The following GRM8 variants were observed in gnomAD, a reference collection of about 807,000 sequenced individuals.
GRM8 encodes metabotropic glutamate receptor 8.
In GRM8, 47 loss-of-function variants were observed where a neutral mutation model predicts 87.2. The observed-to-expected ratio is 0.54, with a 90% confidence interval of 0.43 to 0.69. The LOEUF (loss-of-function observed/expected upper bound fraction) is 0.69. GRM8 is among the 30% of genes least tolerant of loss of function. GRM8 has a pLI of 0.00. For missense variants in GRM8, 1,019 were observed against 1,139.2 expected, an observed-to-expected ratio of 0.89 and a Z score of 1.52; for synonymous variants, 396 against 404.5, an observed-to-expected ratio of 0.98 and a Z score of 0.25.
At chr7:126,439,338 T>C (rs1216262769) in intron 10 of GRM8, among the ~76,000 whole-genome samples, 170 bp from the exon 11 acceptor site, 1 of 152,096 alleles carries the variant, frequency 6.6e-6, no homozygotes, top group Non-Finnish European at 1.5e-5. Context: ...CAACGACATT[T>C]GAGCTCGACA....
chr7:126,615,459 G>A (rs1799376031), intron 7 of GRM8, among the ~76,000 whole-genome samples: 1 of 152,186 alleles, frequency 6.6e-6, no homozygotes, highest in African/African-American at 2.4e-5. Context: ...GGAAGAAACA[G>A]CATCAACTAT....
intron 7 of GRM8, among the ~76,000 whole-genome samples, chr7:126,678,099 CTATG>C (rs1807176946): frequency 6.6e-6 from 1 of 152,144 alleles, no homozygotes; most frequent in Non-Finnish European, 1.5e-5. Flanking sequence ...TCAATTTTCT[CTATG>C]TGTGCTCAAT....
At chr7:126,716,676 C>T (rs1009749464) in intron 7 of GRM8, among the ~76,000 whole-genome samples, 4 of 152,188 alleles carry the variant, frequency 2.6e-5, no homozygotes, top group Non-Finnish European at 4.4e-5. Context: ...TGCCCAGAAA[C>T]TTCAAGAGCC....
intron 6 of GRM8, among the ~76,000 whole-genome samples, chr7:126,824,667 C>T (rs1169847889): frequency 6.6e-6 from 1 of 152,214 alleles, no homozygotes; most frequent in Non-Finnish European, 1.5e-5. Flanking sequence ...TGGCACCCAT[C>T]CCAAAAGTAT....
At chr7:126,729,601 C>T (rs1420465533) in intron 7 of GRM8, among the ~76,000 whole-genome samples, 2 of 152,134 alleles carry the variant, frequency 1.3e-5, no homozygotes, top group Non-Finnish European at 2.9e-5. Flanking sequence ...AGTTCCAAAA[C>T]ATTAATTGTG....
At chr7:126,820,802 A>G (rs975441098) in intron 6 of GRM8, among the ~76,000 whole-genome samples, 17 of 152,158 alleles carry the variant, frequency 1.1e-4, no homozygotes, top group Non-Finnish European at 2.4e-4. Context: ...CTGCTTCACA[A>G]AGAAATTAAA....
chr7:126,444,235 A>C (rs1801760369), intron 10 of GRM8, among the ~76,000 whole-genome samples: 2 of 152,172 alleles, frequency 1.3e-5, no homozygotes, highest in Middle Eastern at 3.4e-3. Context: ...GTAGGAAAAA[A>C]GGTAAAATTC....
chr7:126,549,663 A>G (rs1190704143), intron 8 of GRM8, among the ~76,000 whole-genome samples: 1 of 152,236 alleles, frequency 6.6e-6, no homozygotes, highest in Non-Finnish European at 1.5e-5. Context: ...AATTAATAAT[A>G]TGACAAGGTT....
intron 3 of GRM8, among the ~76,000 whole-genome samples, chr7:127,063,789 C>G (rs1265365787): frequency 6.6e-6 from 1 of 152,198 alleles, no homozygotes; most frequent in Non-Finnish European, 1.5e-5. Context: ...CCTCTTAAAA[C>G]TACCTTAGCT....
At chr7:127,244,648 C>A (rs1039175135) in intron 1 of GRM8, among the ~76,000 whole-genome samples, 1 of 152,116 alleles carries the variant, frequency 6.6e-6, no homozygotes, top group Non-Finnish European at 1.5e-5. Context: ...TTCTCCTGTA[C>A]CCTAGCCAAC....
At chr7:126,762,753 TC>T (rs537483707) in intron 7 of GRM8, among the ~76,000 whole-genome samples, 3 of 151,906 alleles carry the variant, frequency 2.0e-5, no homozygotes, top group Non-Finnish European at 4.4e-5. Context: ...TTTGTTTTTT[TC>T]AATGAATTAC....
chr7:126,446,016 C>T, intron 10 of GRM8, 110 bp downstream of exon 10: 2 of 1,268,388 alleles, frequency 1.6e-6, no homozygotes, highest in Admixed American at 1.7e-5. Context: ...TACCATCATG[C>T]CCCTGGAAAC....
chr7:126,927,419 G>A (rs1041200347), intron 3 of GRM8, among the ~76,000 whole-genome samples: 8 of 152,100 alleles, frequency 5.3e-5, no homozygotes, highest in African/African-American at 1.9e-4. Context: ...TTATAGGTGT[G>A]AGCCACCATG....
At chr7:126,634,108 AT>A (rs1465842924) in intron 7 of GRM8, among the ~76,000 whole-genome samples, 2 of 152,162 alleles carry the variant, frequency 1.3e-5, no homozygotes, top group Non-Finnish European at 2.9e-5. Flanking sequence ...GGAGGTTATT[AT>A]TCATGATCAT....
intron 2 of GRM8, among the ~76,000 whole-genome samples, chr7:127,107,416 G>T (rs17866779): frequency 0.011 from 1,692 of 152,150 alleles, 27 homozygotes; most frequent in African/African-American, 0.038. Flanking sequence ...GGGGTGAATT[G>T]CCAGAAATTC....
In GRM8 at chr7:127,078,040, T is replaced by C. The variant is rs927319341; in HGVS notation, c.727+28456A>G. On this transcript the variant is annotated intron_variant, in intron 3 of 10. Transcript: ENST00000339582. Reference sequence around the variant, plus strand: ...TTATCTGGCCTCAAATGTCACAGAGTTGAGAAGGCTGTAGGTTGGGAAACC... The same window carrying C: ...TTATCTGGCCTCAAATGTCACAGAGCTGAGAAGGCTGTAGGTTGGGAAACC... Among the ~76,000 whole-genome samples the C allele has an allele frequency of 5.9e-5, 9 of 152,296 alleles. 1 individual carries two copies. Among genetic ancestry groups the C allele is most frequent in the African/African-American group, 1.7e-4 (7 of 41,570 alleles).
intron 3 of GRM8, among the ~76,000 whole-genome samples, chr7:126,970,211 G>A (rs529282573): frequency 9.2e-5 from 14 of 152,284 alleles, no homozygotes; most frequent in African/African-American, 2.6e-4. Flanking sequence ...CACCTAACAG[G>A]AGGGTCAGCC....
intron 2 of GRM8, among the ~76,000 whole-genome samples, chr7:127,237,854 T>C (rs992623182): frequency 6.6e-6 from 1 of 152,228 alleles, no homozygotes; most frequent in African/African-American, 2.4e-5. Context: ...CCAGCATCAA[T>C]GTGCTATTTT....
At chr7:127,066,417 T>G (rs1201364245) in intron 3 of GRM8, among the ~76,000 whole-genome samples, 1 of 152,232 alleles carries the variant, frequency 6.6e-6, no homozygotes, top group East Asian at 1.9e-4. Flanking sequence ...GGGAAAATAG[T>G]TAACCTTTGT....
Sources: allele counts gnomAD v4.1 joint callset (sites outside exome capture counted in the v4.1 genomes callset), GRCh38; gene constraint gnomAD v4.1.1; transcripts MANE v1.5; gene names NCBI Gene and HGNC (gene_info 2026-07-23, HGNC 2026-07-21).